The following CREB3L2 variants were observed in gnomAD, a reference collection of about 807,000 sequenced individuals.
CREB3L2 encodes cyclic AMP-responsive element-binding protein 3-like protein 2.
A neutral mutation model predicts 57.2 loss-of-function variants in CREB3L2; 23 were observed. That is an observed-to-expected ratio of 0.40 (90% CI 0.29 to 0.57). CREB3L2 has a LOEUF of 0.57. Ranked by LOEUF, CREB3L2 falls within the 20% of genes least tolerant of loss-of-function variation. The pLI is 0.42. For synonymous variants in CREB3L2, 268 were observed against 265.1 expected, an observed-to-expected ratio of 1.01 and a Z score of -0.11; for missense variants, 628 against 634.7, an observed-to-expected ratio of 0.99 and a Z score of 0.11.
chr7:137,928,975 T>G (rs1445286261), intron 1 of CREB3L2, among the ~76,000 whole-genome samples: 1 of 152,210 alleles, frequency 6.6e-6, no homozygotes, highest in Non-Finnish European at 1.5e-5. Flanking sequence ...CATTTTGCAC[T>G]GATAATATGT....
In CREB3L2 at chr7:137,970,577, G is replaced by A. The variant is rs76280391; in HGVS notation, c.102+31027C>T. ...AAAAATGGGTCTTCTTCGATAAGCC[G>A]GACAGTTCACAGAAGGGGGTGGGTG... On this transcript the variant is annotated intron_variant, in intron 1 of 11. Transcript: ENST00000330387. Among the ~76,000 whole-genome samples, 163 of 132,622 alleles carry A rather than the reference G, an allele frequency of 1.2e-3. 3 individuals carry two copies. In the East Asian group the frequency reaches 0.03, roughly 24 times the overall value. 87.0% of individuals were successfully genotyped at this position (132,622 alleles called of 152,430 possible). A position where few individuals can be genotyped will look rare whatever the true frequency, so the allele number is the denominator to read the frequency against.
At chr7:137,986,938 A>T (rs10269424) in intron 1 of CREB3L2, among the ~76,000 whole-genome samples, 1 of 152,158 alleles carries the variant, frequency 6.6e-6, no homozygotes, top group African/African-American at 2.4e-5. Flanking sequence ...CTCGAGCCCA[A>T]GGGCGACCCC....
At chr7:137,991,029 A>T (rs565646823) in intron 1 of CREB3L2, among the ~76,000 whole-genome samples, 2 of 152,212 alleles carry the variant, frequency 1.3e-5, no homozygotes, top group African/African-American at 2.4e-5. Context: ...TCACTTAAAC[A>T]AAGTTTTAAG....
intron 2 of CREB3L2, among the ~76,000 whole-genome samples, chr7:137,924,953 A>C (rs1057015325): frequency 1.3e-5 from 2 of 152,234 alleles, no homozygotes; most frequent in African/African-American, 4.8e-5. Flanking sequence ...AGAATCTAAG[A>C]AATGATATAA....
At chr7:137,921,337 T>C (rs1284705128) in intron 2 of CREB3L2, among the ~76,000 whole-genome samples, 1 of 152,202 alleles carries the variant, frequency 6.6e-6, no homozygotes, top group East Asian at 1.9e-4. Flanking sequence ...GACTGGCACA[T>C]TTCCTCAGCT....
intron 5 of CREB3L2, among the ~76,000 whole-genome samples, chr7:137,906,352 T>C (rs1585611721): frequency 6.6e-6 from 1 of 152,176 alleles, no homozygotes; most frequent in Non-Finnish European, 1.5e-5. Flanking sequence ...GCAGACTCTT[T>C]CCACAGAAGC....
intron 1 of CREB3L2, among the ~76,000 whole-genome samples, chr7:137,932,794 G>A (rs1293671821): frequency 6.6e-6 from 1 of 152,218 alleles, no homozygotes; most frequent in African/African-American, 2.4e-5. Context: ...TTAAACTTCA[G>A]ACAGACGCTG....
intron 7 of CREB3L2, among the ~76,000 whole-genome samples, chr7:137,901,902 A>G (rs767753389): frequency 6.7e-5 from 10 of 149,972 alleles, no homozygotes; most frequent in Non-Finnish European, 1.2e-4. Context: ...AGAAAAATAG[A>G]AGGAGCTGGG....
intron 1 of CREB3L2, among the ~76,000 whole-genome samples, chr7:137,935,110 G>A (rs1800752656): frequency 6.6e-6 from 1 of 152,174 alleles, no homozygotes; most frequent in Non-Finnish European, 1.5e-5. Context: ...GTGCAAGCCT[G>A]AGGAAGATAT....
chr7:137,901,605 G>A (rs1585606543), intron 7 of CREB3L2, among the ~76,000 whole-genome samples, 183 bp from the exon 8 acceptor site: 1 of 151,738 alleles, frequency 6.6e-6, no homozygotes, highest in African/African-American at 2.4e-5. Flanking sequence ...AATAGGCCGG[G>A]CACGGTGGCT....
intron 8 of CREB3L2, among the ~76,000 whole-genome samples, chr7:137,900,925 A>T (rs568990247): frequency 1.3e-5 from 2 of 152,278 alleles, no homozygotes; most frequent in African/African-American, 4.8e-5. Flanking sequence ...CTAAATTTTG[A>T]TGTCATTTTC....
intron 1 of CREB3L2, among the ~76,000 whole-genome samples, chr7:137,966,115 GA>G (rs1801402478): frequency 6.6e-6 from 1 of 152,194 alleles, no homozygotes; most frequent in Admixed American, 6.5e-5. Context: ...CAGAAGTTGG[GA>G]GGGGCATCAA....
intron 2 of CREB3L2, among the ~76,000 whole-genome samples, chr7:137,922,384 G>GTATATATGTATATATA (rs1800310180): frequency 5.1e-5 from 1 of 19,582 alleles, no homozygotes; most frequent in Non-Finnish European, 8.3e-5. Context: ...ATATATATAT[G>GTATATATGTATATATA]TATATATATA....
At chr7:137,916,454 G>T (rs888520099) in intron 2 of CREB3L2, among the ~76,000 whole-genome samples, 5 of 152,170 alleles carry the variant, frequency 3.3e-5, no homozygotes, top group Non-Finnish European at 7.4e-5. Context: ...AGTGGCTCAC[G>T]CAAGTAATCC....
intron 8 of CREB3L2, among the ~76,000 whole-genome samples, chr7:137,891,283 A>C (rs1799523602): frequency 6.6e-6 from 1 of 152,264 alleles, no homozygotes; most frequent in African/African-American, 2.4e-5. Flanking sequence ...GAAATTGGGC[A>C]AAACATTCAA....
Position 137,889,817 on chromosome 7 carries a change from T to C in CREB3L2, c.1044-4315A>G, listed in dbSNP as rs553927263. ...CATCATAAAAAGAGAAAATGAACAA[T>C]GACAGAGTACTGAGTGCCTACTACT... On this transcript the variant is annotated intron_variant, in intron 8 of 11. Transcript: ENST00000330387. Among the ~76,000 whole-genome samples, 4 of 152,218 alleles carry C rather than the reference T, an allele frequency of 2.6e-5. No individual in the cohort carries two copies. In the East Asian group the frequency reaches 7.7e-4, roughly 29 times the overall value.
chr7:137,947,543 CCCG>C (rs943893618), intron 1 of CREB3L2, among the ~76,000 whole-genome samples: 19 of 152,104 alleles, frequency 1.2e-4, no homozygotes, highest in African/African-American at 4.6e-4. Flanking sequence ...GTGTCTTGAT[CCCG>C]CCATTTGCCC....
At chr7:137,886,013 CTA>C (rs1283527429) in intron 8 of CREB3L2, among the ~76,000 whole-genome samples, 1 of 152,206 alleles carries the variant, frequency 6.6e-6, no homozygotes, top group Non-Finnish European at 1.5e-5. Context: ...TTCCCTTCCA[CTA>C]TGAGAGGACA....
At chr7:137,922,402 ATATATATATATATG>A (rs1257440170) in intron 2 of CREB3L2, among the ~76,000 whole-genome samples, 280 of 20,966 alleles carry the variant, frequency 0.013, 10 homozygotes, top group African/African-American at 0.042. Flanking sequence ...ATATATATAT[ATATATATATATATG>A]TATATATATA....
Sources: gnomAD v4.1 joint callset for allele counts (sites outside exome capture counted in the v4.1 genomes callset) on GRCh38, gnomAD v4.1.1 for gene constraint, MANE v1.5 for transcripts, NCBI Gene and HGNC (gene_info 2026-07-23, HGNC 2026-07-21) for gene names.